Variants in RPS6KA5 observed in about 807,000 individuals in gnomAD.
RPS6KA5 encodes ribosomal protein S6 kinase alpha-5.
In RPS6KA5, 27 loss-of-function variants were observed where a neutral mutation model predicts 85.5. That is an observed-to-expected ratio of 0.32 (90% CI 0.23 to 0.44). The LOEUF (loss-of-function observed/expected upper bound fraction) is 0.44, where lower values mean the gene tolerates loss of function less well. Ranked by LOEUF, RPS6KA5 falls within the 20% of genes least tolerant of loss-of-function variation. The pLI is 1.00. For missense variants in RPS6KA5, 811 were observed against 980.9 expected (o/e 0.83, Z 2.31); for synonymous variants, 334 against 348.2 (o/e 0.96, Z 0.46).
chr14:90,986,301 T>C (rs1263631072), intron 2 of RPS6KA5, among the ~76,000 whole-genome samples: 1 of 152,206 alleles, frequency 6.6e-6, no homozygotes, highest in Non-Finnish European at 1.5e-5. Context: ...GAATTTCTAC[T>C]AACTGAAGAA....
chr14:91,019,094 C>T (rs1024628639), intron 1 of RPS6KA5, among the ~76,000 whole-genome samples: 13 of 151,982 alleles, frequency 8.6e-5, no homozygotes, highest in East Asian at 3.9e-4. Context: ...AGATTTATGT[C>T]GGTGTTTTCA....
intron 3 of RPS6KA5, among the ~76,000 whole-genome samples, chr14:90,949,722 A>G (rs1009698494): frequency 6.7e-6 from 1 of 148,952 alleles, no homozygotes; most frequent in African/African-American, 2.4e-5. Context: ...TCCTTAAGCA[A>G]ATTAAGTCTC....
chr14:91,034,161 T>C (rs1478796715), intron 1 of RPS6KA5, among the ~76,000 whole-genome samples: 1 of 151,922 alleles, frequency 6.6e-6, no homozygotes, highest in African/African-American at 2.4e-5. Flanking sequence ...AAAAATTTGC[T>C]GGGCATGGTG....
chr14:90,917,149 T>A (rs571456916), intron 7 of RPS6KA5, among the ~76,000 whole-genome samples: 1 of 152,248 alleles, frequency 6.6e-6, no homozygotes, highest in Admixed American at 6.5e-5. Context: ...TTTCCTATAG[T>A]CTGAGGTATT....
rs79042896 is a variant in RPS6KA5 at position 90,866,272 on chromosome 14, C to G, written c.*5802G>C. The G allele has an allele frequency of 6.6e-6, 1 of 152,166 alleles. No homozygotes were observed. Among genetic ancestry groups the G allele is most frequent in the Non-Finnish European group, 1.5e-5 (1 of 68,106 alleles). The allele number at this position is 152,166 out of a possible 1,614,324, so 9.4% of individuals were successfully genotyped here. On this transcript the variant is annotated 3_prime_UTR_variant, in exon 17 of 17. Coordinates refer to ENST00000614987, the MANE Select transcript of RPS6KA5 (RefSeq NM_004755.4). ...TTGAAGCCAGGAGTTTGAGACTAGC[C>G]TGGGCACCATACTGATACCTTGTAG...
intron 3 of RPS6KA5, among the ~76,000 whole-genome samples, chr14:90,952,654 TGGGG>T (rs2038265410): frequency 6.6e-6 from 1 of 152,256 alleles, no homozygotes. Flanking sequence ...TTATTTGGCT[TGGGG>T]ATCGGCTAAT....
chr14:90,951,279 C>A (rs776280372), intron 3 of RPS6KA5, among the ~76,000 whole-genome samples: 10 of 151,828 alleles, frequency 6.6e-5, no homozygotes, highest in Non-Finnish European at 1.0e-4. Flanking sequence ...GTCAGGAGAT[C>A]GAGACCATCC....
chr14:90,918,129 C>T (rs569156991), intron 7 of RPS6KA5, among the ~76,000 whole-genome samples: 1 of 152,096 alleles, frequency 6.6e-6, no homozygotes, highest in East Asian at 1.9e-4. Flanking sequence ...AGTTTTTGTA[C>T]CATTTTACAT....
intron 9 of RPS6KA5, among the ~76,000 whole-genome samples, chr14:90,902,406 G>A (rs1312583203): frequency 6.6e-6 from 1 of 151,910 alleles, no homozygotes; most frequent in Non-Finnish European, 1.5e-5. Context: ...GATCACTTGA[G>A]CCCAGGAGTC....
intron 1 of RPS6KA5, among the ~76,000 whole-genome samples, chr14:91,044,893 G>A (rs1418175367): frequency 6.6e-6 from 1 of 151,478 alleles, no homozygotes; most frequent in African/African-American, 2.4e-5. Context: ...AAAAAAAAAG[G>A]TGGAAGAGAC....
intron 12 of RPS6KA5, among the ~76,000 whole-genome samples, chr14:90,895,731 A>T (rs2034801919): frequency 6.6e-6 from 1 of 152,152 alleles, no homozygotes; most frequent in Admixed American, 6.5e-5. Context: ...ACAAAAAATA[A>T]TAACAAAAAT....
chr14:90,915,399 T>A (rs1343837128), intron 7 of RPS6KA5, among the ~76,000 whole-genome samples: 1 of 152,216 alleles, frequency 6.6e-6, no homozygotes, highest in African/African-American at 2.4e-5. Context: ...TGGACTCTAC[T>A]GCCTTTCCAG....
intron 15 of RPS6KA5, among the ~76,000 whole-genome samples, chr14:90,874,937 C>G (rs2033353749): frequency 6.6e-6 from 1 of 152,070 alleles, no homozygotes; most frequent in Non-Finnish European, 1.5e-5. Context: ...GGGGGAAGGA[C>G]AGTCAAAAAG....
intron 14 of RPS6KA5, among the ~76,000 whole-genome samples, chr14:90,877,110 C>T (rs766159560): frequency 7.2e-5 from 11 of 152,128 alleles, no homozygotes; most frequent in Non-Finnish European, 1.5e-4. Flanking sequence ...AAACTTGACA[C>T]CTCTGAGGTT....
intron 3 of RPS6KA5, among the ~76,000 whole-genome samples, chr14:90,971,245 A>G (rs1712841776): frequency 6.6e-6 from 1 of 152,110 alleles, no homozygotes; most frequent in Non-Finnish European, 1.5e-5. Flanking sequence ...TGAACCTGGA[A>G]GGGAGAGGTT....
chr14:90,896,712 T>C (rs1396387167), intron 12 of RPS6KA5, among the ~76,000 whole-genome samples: 4 of 151,970 alleles, frequency 2.6e-5, no homozygotes, highest in Non-Finnish European at 5.9e-5. Flanking sequence ...TCAACATTTT[T>C]TTTCTTTTTT....
chr14:90,948,351 A>G (rs2037982394), intron 3 of RPS6KA5, among the ~76,000 whole-genome samples: 1 of 152,244 alleles, frequency 6.6e-6, no homozygotes, highest in Admixed American at 6.5e-5. Flanking sequence ...ATCCTATAGA[A>G]TAAACTTTTT....
At chr14:90,988,080 A>C (rs776084437) in intron 2 of RPS6KA5, among the ~76,000 whole-genome samples, 14 of 152,242 alleles carry the variant, frequency 9.2e-5, no homozygotes, top group Non-Finnish European at 2.1e-4. Flanking sequence ...ATGAACTGAA[A>C]GGTTTTAAAT....
chr14:90,991,448 TC>T (rs1318684862), intron 2 of RPS6KA5, among the ~76,000 whole-genome samples: 1 of 152,060 alleles, frequency 6.6e-6, no homozygotes, highest in African/African-American at 2.4e-5. Context: ...ATACCTGTAA[TC>T]CCAACACTTT....
Sources: gnomAD v4.1 joint callset for allele counts (sites outside exome capture counted in the v4.1 genomes callset) on GRCh38, gnomAD v4.1.1 for gene constraint, MANE v1.5 for transcripts, NCBI Gene and HGNC (gene_info 2026-07-23, HGNC 2026-07-21) for gene names.